The following TNPO3 variants were observed in gnomAD, a reference collection of about 807,000 sequenced individuals.
TNPO3 encodes transportin 3, also known as transportin-3.
Under a neutral mutation model 122.8 loss-of-function variants are expected in TNPO3, and 65 were observed. The ratio of observed to expected loss-of-function variants is 0.53; its 90% CI spans 0.43 to 0.65. TNPO3 has a LOEUF of 0.65. Among genes scored for constraint, TNPO3 ranks in the 30% least tolerant of loss-of-function variants. TNPO3 has a pLI of 0.00. For missense variants in TNPO3, 850 were observed against 1,136.7 expected (o/e 0.75, Z 3.63); for synonymous variants, 372 against 411.2 (o/e 0.90, Z 1.15).
At chr7:129,014,040 C>A (rs150949773) in intron 4 of TNPO3, among the ~76,000 whole-genome samples, 14 of 152,180 alleles carry the variant, frequency 9.2e-5, no homozygotes, top group African/African-American at 2.9e-4. Context: ...AGAAAGGATA[C>A]GTTATAGTGT....
chr7:129,035,261 G>A (rs983116580), intron 1 of TNPO3, among the ~76,000 whole-genome samples: 17 of 152,132 alleles, frequency 1.1e-4, no homozygotes, highest in Admixed American at 9.2e-4. Context: ...GCGAAAGAGC[G>A]AGACTCCGTC....
chr7:129,036,038 C>T (rs1212191788), intron 1 of TNPO3, among the ~76,000 whole-genome samples: 1 of 150,000 alleles, frequency 6.7e-6, no homozygotes, highest in Non-Finnish European at 1.5e-5. Context: ...ACTGTAATCA[C>T]CGCCTCCCGG....
At chr7:129,004,930 A>C in intron 5 of TNPO3, 86 bp downstream of exon 5, 1 of 1,421,412 alleles carries the variant, frequency 7.0e-7, no homozygotes, top group Non-Finnish European at 9.6e-7. Flanking sequence ...TACTGTGCAA[A>C]AATTTAAAAA....
chr7:129,006,351 A>T (rs1341105888), intron 4 of TNPO3, among the ~76,000 whole-genome samples: 1 of 152,254 alleles, frequency 6.6e-6, no homozygotes, highest in Non-Finnish European at 1.5e-5. Context: ...AGCTAGGCAT[A>T]CCACTGTATA....
At chr7:128,970,341 A>G in intron 19 of TNPO3, 26 bp from the exon 20 acceptor site, 1 of 1,544,352 alleles carries the variant, frequency 6.5e-7, no homozygotes, top group East Asian at 2.3e-5. Context: ...CAGGAACATC[A>G]GATAAATTCT....
chr7:128,968,147 C>A (rs1798106098), intron 20 of TNPO3, among the ~76,000 whole-genome samples: 1 of 152,114 alleles, frequency 6.6e-6, no homozygotes, highest in Admixed American at 6.5e-5. Context: ...AAAAAGTATA[C>A]TAAGCCACCA....
At chr7:129,043,130 A>T (rs920019167) in intron 1 of TNPO3, among the ~76,000 whole-genome samples, 3 of 152,096 alleles carry the variant, frequency 2.0e-5, no homozygotes, top group African/African-American at 7.2e-5. Flanking sequence ...GTCAGGTGCA[A>T]TGACACACAC....
upstream of TNPO3, chr7:129,055,998 C>CA: frequency 1.2e-6 from 1 of 869,158 alleles, no homozygotes; most frequent in Admixed American, 2.0e-5. Flanking sequence ...CACTGACCTA[C>CA]AGCGCCTCAG....
chr7:129,007,733 G>T (rs1360219938), intron 4 of TNPO3, among the ~76,000 whole-genome samples: 2 of 152,202 alleles, frequency 1.3e-5, no homozygotes, highest in Non-Finnish European at 2.9e-5. Context: ...AACTTGCAGA[G>T]AAATTAACCA....
At chr7:129,018,178 G>T (rs780255333) in intron 1 of TNPO3, 21 bp from the exon 2 acceptor site, 3 of 1,611,110 alleles carry the variant, frequency 1.9e-6, no homozygotes, top group South Asian at 2.2e-5. Flanking sequence ...ATTAGACAAA[G>T]ATGTCTTAAA....
rs1466529972 is a variant in TNPO3, at chr7:128,961,262, C to CT, written c.2712-3948dup. On this transcript the variant is annotated intron_variant, in intron 21 of 22. Transcript: ENST00000265388. ...GGTAAGTGCCCTCATACAGGTATAC[C>CT]TTTTTTTTTCTCTTTTATACTGTAT... 9.9e-5 allele frequency among the ~76,000 whole-genome samples: 15 copies of CT among 151,186 alleles called. No homozygotes were observed. In the South Asian group the frequency reaches 2.5e-3, roughly 26 times the overall value.
intron 21 of TNPO3, among the ~76,000 whole-genome samples, chr7:128,962,658 C>T (rs1050795355): frequency 1.3e-5 from 2 of 152,244 alleles, no homozygotes; most frequent in African/African-American, 4.8e-5. Flanking sequence ...AGCACCTCTA[C>T]ATTAGCTCTT....
chr7:128,991,221 C>A (rs1245917198), intron 10 of TNPO3, among the ~76,000 whole-genome samples: 3 of 152,148 alleles, frequency 2.0e-5, no homozygotes, highest in African/African-American at 7.2e-5. Context: ...ACCTATTCGA[C>A]CTCCTTGAAT....
In TNPO3 at chr7:128,984,241, G is replaced by A. The variant is rs775034326; in HGVS notation, c.1709C>T (p.Ala570Val). ...GGTAATCTTATCCAAAGGTAATCGG[G>A]CTAGGACAAGTGCTGTCCCTGAAAA... ...GLLKGTALVL[A>V]RLPLDKITEC... Residue 570 changes from alanine to valine, a missense_variant, in exon 13 of 23, where the codon GCC becomes GTC. Coordinates refer to ENST00000265388, the MANE Select transcript of TNPO3 (RefSeq NM_012470.4). 6.2e-7 allele frequency: 1 copy of A among 1,612,300 alleles called. No homozygotes were observed. The highest frequency in any genetic ancestry group is 1.1e-5 in the South Asian group (1 of 90,780).
chr7:128,982,913 T>C (rs1401057063), intron 13 of TNPO3, among the ~76,000 whole-genome samples: 1 of 152,218 alleles, frequency 6.6e-6, no homozygotes, highest in African/African-American at 2.4e-5. Context: ...TTTATATCCT[T>C]TAAGGAAACA....
Position 129,018,284 on chromosome 7 carries a change from T to G in TNPO3, c.121-127A>C. On this transcript the variant is annotated intron_variant, in intron 1 of 22. Transcript: ENST00000265388. ...AGAAAGAAAAATCTGACAAGCTAAA[T>G]TACCCAGTAATTCAGCCAACAGTTC... is the stretch of plus-strand genomic sequence containing the variant. The G allele has an allele frequency of 2.2e-6, 2 of 905,112 alleles. 1 individual carries two copies. The highest frequency in any genetic ancestry group is 3.3e-6 in the Non-Finnish European group (2 of 611,808). 56.1% of individuals were successfully genotyped at this position (905,112 alleles called of 1,614,324 possible).
intron 13 of TNPO3, among the ~76,000 whole-genome samples, chr7:128,982,849 T>C (rs989896388): frequency 1.2e-4 from 18 of 152,232 alleles, no homozygotes; most frequent in African/African-American, 2.2e-4. Flanking sequence ...AAAAATCCCA[T>C]TGGTATGTCT....
In TNPO3 at chr7:128,978,967, C is replaced by G; in HGVS notation, c.2061+16G>C. ...TCTGTACATGGAACACGTCCCCCCG[C>G]AACAGATAACTTTACCTGTGTGACT... On this transcript the variant is annotated intron_variant, in intron 16 of 22. Transcript: ENST00000265388. The G allele has an allele frequency of 6.2e-7, 1 of 1,613,610 alleles. No homozygotes were observed. Among genetic ancestry groups the G allele is most frequent in the Admixed American group, 1.7e-5 (1 of 59,930 alleles).
chr7:128,957,620 T>G (rs540752478), intron 21 of TNPO3, among the ~76,000 whole-genome samples: 1 of 152,366 alleles, frequency 6.6e-6, no homozygotes, highest in South Asian at 2.1e-4. Flanking sequence ...TTTCCTCATC[T>G]ATTAATATTA....
Sources: allele counts gnomAD v4.1 joint callset (sites outside exome capture counted in the v4.1 genomes callset), GRCh38; gene constraint gnomAD v4.1.1; transcripts MANE v1.5; gene names NCBI Gene and HGNC (gene_info 2026-07-23, HGNC 2026-07-21).